Variants in CUBN observed in about 807,000 individuals in gnomAD.
CUBN encodes cubilin, also known as 460 kDa receptor.
Under a neutral mutation model 405.3 loss-of-function variants are expected in CUBN, and 282 were observed. The observed-to-expected ratio is 0.70, with a 90% CI of 0.63 to 0.77. CUBN has a LOEUF of 0.77. Ranked by LOEUF, CUBN falls within the 30% of genes least tolerant of loss-of-function variation. CUBN has a pLI of 0.00. For missense variants in CUBN, 4,514 were observed against 4,475.2 expected (o/e 1.01, Z -0.25); for synonymous variants, 1,684 against 1,617.0 (o/e 1.04, Z -0.99).
intron 27 of CUBN, among the ~76,000 whole-genome samples, chr10:17,038,282 C>G (rs908497255): frequency 1.3e-5 from 2 of 152,150 alleles, no homozygotes; most frequent in South Asian, 2.1e-4. Flanking sequence ...GACTCAGACT[C>G]AAAATAAAAA....
chr10:16,864,263 G>A (rs540242607), intron 59 of CUBN, among the ~76,000 whole-genome samples: 4 of 152,192 alleles, frequency 2.6e-5, no homozygotes, highest in East Asian at 1.9e-4. Flanking sequence ...AGGATTTGAC[G>A]GTTAGGTGTC....
At chr10:16,891,908 C>T (rs182413111) in intron 54 of CUBN, among the ~76,000 whole-genome samples, 104 of 152,078 alleles carry the variant, frequency 6.8e-4, no homozygotes, top group African/African-American at 1.9e-3. Flanking sequence ...CCCAATATGC[C>T]CTTTCTATCA....
At chr10:16,902,153 A>G (rs982646851) in intron 51 of CUBN, among the ~76,000 whole-genome samples, 1 of 136,486 alleles carries the variant, frequency 7.3e-6, no homozygotes, top group Non-Finnish European at 1.5e-5. Flanking sequence ...TAGTATATAT[A>G]TATTTGTATA....
intron 58 of CUBN, among the ~76,000 whole-genome samples, chr10:16,871,029 T>C (rs1351715712): frequency 6.8e-6 from 1 of 148,066 alleles, no homozygotes; most frequent in East Asian, 1.9e-4. Context: ...GTTCTTCTGC[T>C]TTTTCTTTTT....
chr10:16,901,669 C>T lies in CUBN; in HGVS notation c.8063-210G>A, dbSNP rs541269006. Among the ~76,000 whole-genome samples the T allele has an allele frequency of 2.0e-5, 3 of 151,962 alleles. No homozygotes were observed. The South Asian group carries it at 6.2e-4, about 32-fold the overall frequency. On this transcript the variant is annotated intron_variant, in intron 51 of 66. Transcript: ENST00000377833. ...AGGAGCTCAAGACCAGCCTGGCCAA[C>T]ATGGTGAAACCCCATCTCAACTAAA...
Position 16,984,098 on chromosome 10 carries a change from C to T in CUBN, c.4525+7G>A, listed in dbSNP as rs1457576195. The T allele has an allele frequency of 1.2e-6, 2 of 1,614,134 alleles. No homozygotes were observed. ...AGTACTTTAGGAAACCTCCTTTTCT[C>T]ACTCACCTCCAGTGACTGCTTGCCA... On this transcript the variant is annotated splice_region_variant and intron_variant, in intron 30 of 66. Coordinates refer to ENST00000377833, the MANE Select transcript of CUBN (RefSeq NM_001081.4).
At chr10:16,977,662 C>T (rs1379655248) in intron 31 of CUBN, among the ~76,000 whole-genome samples, 1 of 152,192 alleles carries the variant, frequency 6.6e-6, no homozygotes, top group East Asian at 1.9e-4. Flanking sequence ...GGACACTGAG[C>T]TGGTTAAAAC....
Position 16,933,192 on chromosome 10 carries a change from T to C in CUBN, c.6019A>G (p.Thr2007Ala). 2 of 1,614,108 alleles carry C rather than the reference T, an allele frequency of 1.2e-6. No individual in the cohort carries two copies. The highest frequency in any genetic ancestry group is 1.1e-5 in the South Asian group (1 of 91,076). Reference protein sequence around the residue: ...PDSYSNRVDCTWLIQAPDSTV... With the variant: ...PDSYSNRVDCAWLIQAPDSTV... ...GAGTCGGGAGCCTGGATGAGCCACG[T>C]ACAGTCCACTCTATTACTGTAACTG... Residue 2007 changes from threonine (T) to alanine (A), a missense_variant, in exon 40 of 67, where the codon ACG becomes GCG. Physicochemically the swap from Thr to Ala is moderately conservative, Grantham distance 58. This residue lies in a region of CUBN where 1,613 missense variants were observed against 1,542.8 expected (regional missense o/e 1.05). Transcript: ENST00000377833.
At chr10:17,022,951 G>C (rs1030152837) in intron 27 of CUBN, among the ~76,000 whole-genome samples, 9 of 152,140 alleles carry the variant, frequency 5.9e-5, no homozygotes, top group African/African-American at 1.9e-4. Flanking sequence ...ATCACCCTAA[G>C]CTCGATGTGT....
In CUBN at chr10:17,084,279, A is replaced by G; in HGVS notation, c.2293T>C (p.Tyr765His). The G allele has an allele frequency of 1.2e-6, 2 of 1,613,980 alleles. No homozygotes were observed. The highest frequency in any genetic ancestry group is 1.1e-5 in the South Asian group (1 of 91,072). ...TGAGTAGTGAAAGTTACCTCAATGT[A>G]ATTCTGAGAACTGTCACTCTGGCAT... ...LQCQSDSSQN[Y>H]IEVRDGETLL... Residue 765 changes from tyrosine (Y) to histidine (H), a missense_variant, in exon 17 of 67, where the codon TAC becomes CAC. Transcript: ENST00000377833.
At chr10:17,087,460 A>ATTTT (rs1564510318) in intron 15 of CUBN, among the ~76,000 whole-genome samples, 1 of 99,096 alleles carries the variant, frequency 1.0e-5, no homozygotes, top group Non-Finnish European at 2.0e-5. Flanking sequence ...AATCACTATT[A>ATTTT]TTTTTCTTTT....
At chr10:17,109,546 T>C in intron 10 of CUBN, 94 bp downstream of exon 10, 1 of 1,062,062 alleles carries the variant, frequency 9.4e-7, no homozygotes, top group South Asian at 1.3e-5. Flanking sequence ...AAAATAACAA[T>C]TTTGAGAACA....
At chr10:16,842,427 G>A (rs1271688541) in intron 60 of CUBN, among the ~76,000 whole-genome samples, 1 of 152,078 alleles carries the variant, frequency 6.6e-6, no homozygotes, top group African/African-American at 2.4e-5. Flanking sequence ...TGATTCCTCT[G>A]TCCCACTAGC....
chr10:16,917,423 G>C (rs564916563), intron 45 of CUBN, among the ~76,000 whole-genome samples: 1 of 152,164 alleles, frequency 6.6e-6, no homozygotes, highest in Non-Finnish European at 1.5e-5. Flanking sequence ...AGACATAAGA[G>C]ATTAACAACA....
chr10:17,033,297 A>C (rs1218607774), intron 27 of CUBN, among the ~76,000 whole-genome samples: 2 of 152,098 alleles, frequency 1.3e-5, no homozygotes, highest in African/African-American at 4.8e-5. Flanking sequence ...TTCCTGACCC[A>C]CAAAGGAGCT....
intron 59 of CUBN, among the ~76,000 whole-genome samples, chr10:16,866,743 A>G (rs954088629): frequency 5.3e-5 from 8 of 152,220 alleles, no homozygotes; most frequent in Non-Finnish European, 1.2e-4. Flanking sequence ...GGGGGAGACA[A>G]GCAGGCACAT....
In CUBN at chr10:16,933,259, C is replaced by G; in HGVS notation, c.5952G>C (p.Thr1984=). Residue 1984 remains threonine, a synonymous_variant, in exon 40 of 67, where the codon ACG becomes ACC. Coordinates refer to ENST00000377833, the MANE Select transcript of CUBN (RefSeq NM_001081.4). ...APGACGGFLR[T]GDAPVFLFSP... is the part of the protein sequence containing the mutation. The stretch of plus-strand genomic sequence containing the variant: ...AGAAGAGAAACACGGGTGCATCTCC[C>G]GTCCTCAGGAAGCCACCACAAGCAC... 6.2e-7 allele frequency: 1 copy of G among 1,613,748 alleles called. No individual in the cohort carries two copies. The highest frequency in any genetic ancestry group is 8.5e-7 in the Non-Finnish European group (1 of 1,179,946).
At chr10:17,124,886 C>T (rs1164625610) in intron 4 of CUBN, among the ~76,000 whole-genome samples, 1 of 151,982 alleles carries the variant, frequency 6.6e-6, no homozygotes, top group Non-Finnish European at 1.5e-5. Context: ...GGCTGGAGTG[C>T]AGTGGTATGA....
At chr10:17,018,301 T>C (rs1043105625) in intron 28 of CUBN, among the ~76,000 whole-genome samples, 17 of 152,130 alleles carry the variant, frequency 1.1e-4, no homozygotes, top group Non-Finnish European at 1.8e-4. Flanking sequence ...GTCACCAAAA[T>C]GTGTCCGGAA....
Sources: allele counts gnomAD v4.1 joint callset (sites outside exome capture counted in the v4.1 genomes callset), GRCh38; gene constraint gnomAD v4.1.1; regional missense constraint gnomAD v4.1.1; transcripts MANE v1.5; gene names NCBI Gene and HGNC (gene_info 2026-07-23, HGNC 2026-07-21).